Variants in CREB3L2 observed in about 807,000 individuals in gnomAD.
CREB3L2 encodes the protein cAMP responsive element binding protein 3 like 2.
A neutral mutation model predicts 57.2 loss-of-function variants in CREB3L2; 23 were observed. The observed-to-expected ratio is 0.40, with a 90% CI of 0.29 to 0.57. CREB3L2 has a LOEUF of 0.57. CREB3L2 is among the 20% of genes least tolerant of loss of function. The pLI is 0.42. For synonymous variants in CREB3L2, 268 were observed against 265.1 expected (o/e 1.01, Z -0.11); for missense variants, 628 against 634.7 (o/e 0.99, Z 0.11).
intron 1 of CREB3L2, among the ~76,000 whole-genome samples, chr7:137,971,351 G>A (rs1563269561): frequency 6.6e-6 from 1 of 152,006 alleles, no homozygotes; most frequent in Non-Finnish European, 1.5e-5. Context: ...TCGGGAGGGT[G>A]AGGCAGGAGA....
intron 1 of CREB3L2, among the ~76,000 whole-genome samples, chr7:137,989,252 T>C (rs1367137476): frequency 6.6e-6 from 1 of 152,086 alleles, no homozygotes; most frequent in Non-Finnish European, 1.5e-5. Flanking sequence ...ACAGGTCTGC[T>C]ACAGAGAAGA....
intron 1 of CREB3L2, among the ~76,000 whole-genome samples, chr7:137,996,107 G>A (rs1030974593): frequency 1.3e-5 from 2 of 152,144 alleles, no homozygotes; most frequent in Non-Finnish European, 2.9e-5. Flanking sequence ...CCAAATATTC[G>A]CCCACTACTA....
chr7:137,896,971 AC>A, intron 8 of CREB3L2, among the ~76,000 whole-genome samples: 1 of 152,230 alleles, frequency 6.6e-6, no homozygotes, highest in East Asian at 1.9e-4. Flanking sequence ...AAGTGGGAGA[AC>A]TGGTCAAAGA....
At chr7:137,887,602 G>A (rs1272120336) in intron 8 of CREB3L2, among the ~76,000 whole-genome samples, 2 of 151,994 alleles carry the variant, frequency 1.3e-5, no homozygotes, top group East Asian at 3.9e-4. Context: ...CCAGTTACTC[G>A]GGAGGCTGAG....
intron 11 of CREB3L2, among the ~76,000 whole-genome samples, chr7:137,882,010 A>AT (rs1799303004): frequency 6.6e-6 from 1 of 152,228 alleles, no homozygotes; most frequent in Non-Finnish European, 1.5e-5. Context: ...AGCACAATAT[A>AT]TATCTACTCC....
At chr7:137,892,347 T>TAA (rs779212071) in intron 8 of CREB3L2, among the ~76,000 whole-genome samples, 17,697 of 133,318 alleles carry the variant, frequency 0.13, 3,373 homozygotes, top group African/African-American at 0.42. Context: ...TGCACACAAT[T>TAA]AAAAAAAAAA....
intron 1 of CREB3L2, among the ~76,000 whole-genome samples, chr7:137,969,382 C>A (rs1181788850): frequency 7.7e-6 from 1 of 129,042 alleles, no homozygotes; most frequent in Non-Finnish European, 1.6e-5. Context: ...AGTCTCATGC[C>A]GTCGCCCAGG....
At chr7:137,933,878 G>C (rs1466160897) in intron 1 of CREB3L2, 1 of 152,228 alleles carries the variant, frequency 6.6e-6, no homozygotes, top group Non-Finnish European at 1.5e-5. Context: ...GATCGGGCCA[G>C]AGTGGGCCCA....
intron 11 of CREB3L2, among the ~76,000 whole-genome samples, chr7:137,882,167 C>T (rs568368017): frequency 6.5e-4 from 99 of 152,248 alleles, no homozygotes; most frequent in African/African-American, 2.0e-3. Flanking sequence ...TGTGCCACCA[C>T]GCCAGCTCCC....
chr7:137,888,202 G>A (rs965771579), intron 8 of CREB3L2, among the ~76,000 whole-genome samples: 5 of 152,200 alleles, frequency 3.3e-5, no homozygotes, highest in South Asian at 4.2e-4. Context: ...GAGCTCAAAC[G>A]ATCCTCTCAC....
At chr7:137,992,657 G>C (rs1192823403) in intron 1 of CREB3L2, among the ~76,000 whole-genome samples, 1 of 152,186 alleles carries the variant, frequency 6.6e-6, no homozygotes. Flanking sequence ...GAGCCCAGGG[G>C]AACATACAGA....
chr7:137,885,046 T>G lies in CREB3L2; in HGVS notation c.1219A>C (p.Met407Leu). The G allele has an allele frequency of 6.2e-7, 1 of 1,614,042 alleles. No homozygotes were observed. Among genetic ancestry groups the G allele is most frequent in the Non-Finnish European group, 8.5e-7 (1 of 1,179,996 alleles). The change falls in exon 10 of 12, where the codon ATG becomes CTG. Residue 407 changes from methionine to leucine, a missense_variant. Coordinates refer to ENST00000330387, the MANE Select transcript of CREB3L2 (RefSeq NM_194071.4). The stretch of plus-strand genomic sequence containing the variant: ...AGGGAATGCTGGCTGGGCAGAGCCA[T>G]CTTGGTGGCAGAAGGATAGGGCCCG... ...GYGPYPSATK[M>L]ALPSQHSLQE...
Position 137,924,264 on chromosome 7 carries a change from G to A in CREB3L2, c.319+3886C>T, listed in dbSNP as rs199510828. Among the ~76,000 whole-genome samples, 7 of 152,156 alleles carry A rather than the reference G, an allele frequency of 4.6e-5. No homozygotes were observed. The East Asian group carries it at 1.2e-3, about 25-fold the overall frequency. On this transcript the variant is annotated intron_variant, in intron 2 of 11. Coordinates refer to ENST00000330387, the MANE Select transcript of CREB3L2 (RefSeq NM_194071.4). ...GCAAAGGTAGTATTAGACCACTTCT[G>A]TATTAGCCTATTTTATGCTAAGGTC... is the stretch of plus-strand genomic sequence containing the variant.
chr7:137,887,846 TC>T (rs1439343571), intron 8 of CREB3L2, among the ~76,000 whole-genome samples: 1 of 152,254 alleles, frequency 6.6e-6, no homozygotes. Context: ...AATGTGAAGA[TC>T]TTTTTTTGTA....
intron 1 of CREB3L2, among the ~76,000 whole-genome samples, chr7:137,989,130 C>A (rs1026381109): frequency 6.6e-6 from 1 of 152,184 alleles, no homozygotes; most frequent in African/African-American, 2.4e-5. Context: ...AAAGAGGCAG[C>A]GCTGTGTTCT....
chr7:137,980,161 C>G lies in CREB3L2; in HGVS notation c.102+21443G>C, dbSNP rs1801688001. Among the ~76,000 whole-genome samples the G allele has an allele frequency of 6.6e-6, 1 of 152,198 alleles. No individual in the cohort carries two copies. Among genetic ancestry groups the G allele is most frequent in the African/African-American group, 2.4e-5 (1 of 41,448 alleles). ...AGATGAATGTTGCCAGACCATGGACCATGCTTTGAGTAGTCATACTCCAAG... is the reference window on the plus strand; with the variant it reads ...AGATGAATGTTGCCAGACCATGGACGATGCTTTGAGTAGTCATACTCCAAG... On this transcript the variant is annotated intron_variant, in intron 1 of 11. Transcript: ENST00000330387. The surrounding 1 kb of genome is among the most constrained non-coding windows in gnomAD (Gnocchi z 4.3).
chr7:137,960,354 G>C (rs1398776870), intron 1 of CREB3L2, among the ~76,000 whole-genome samples: 1 of 152,136 alleles, frequency 6.6e-6, no homozygotes, highest in African/African-American at 2.4e-5. Context: ...TTAAAATACA[G>C]TGACTATAAG....
At chr7:137,999,550 C>A (rs1018435266) in intron 1 of CREB3L2, 2 of 152,150 alleles carry the variant, frequency 1.3e-5, no homozygotes, top group Non-Finnish European at 2.9e-5. Context: ...ATCAGGCCAT[C>A]CTTTTTCTAC....
intron 1 of CREB3L2, among the ~76,000 whole-genome samples, chr7:137,956,119 G>A (rs1158857540): frequency 6.6e-6 from 1 of 152,202 alleles, no homozygotes; most frequent in Admixed American, 6.5e-5. Flanking sequence ...AGAACCATCA[G>A]TTTGCCTCAG....
Sources: allele counts gnomAD v4.1 joint callset (sites outside exome capture counted in the v4.1 genomes callset), GRCh38; gene constraint gnomAD v4.1.1; non-coding constraint Gnocchi (gnomAD v3.1); transcripts MANE v1.5; gene names NCBI Gene and HGNC (gene_info 2026-07-23, HGNC 2026-07-21).